Variants in RALGAPA1 observed in about 807,000 individuals in gnomAD.
RALGAPA1 encodes Ral GTPase activating protein catalytic subunit alpha 1, also known as ral GTPase-activating protein subunit alpha-1.
Under a neutral mutation model 269.6 loss-of-function variants are expected in RALGAPA1, and 52 were observed. The observed-to-expected ratio is 0.19, with a 90% CI of 0.15 to 0.24. RALGAPA1 has a LOEUF of 0.24. Among genes scored for constraint, RALGAPA1 ranks in the 10% least tolerant of loss-of-function variants. The pLI is 1.00. For missense variants in RALGAPA1, 1,917 were observed against 3,013.9 expected (o/e 0.64, Z 8.52); for synonymous variants, 817 against 1,008.3 (o/e 0.81, Z 3.60).
At chr14:35,769,065 T>TATATATATATATACAC (rs1237249622) in intron 4 of RALGAPA1, among the ~76,000 whole-genome samples, 1 of 77,796 alleles carries the variant, frequency 1.3e-5, no homozygotes, top group African/African-American at 4.6e-5. Context: ...TATATATATA[T>TATATATATATATACAC]ACACACACAT....
At chr14:35,794,684 C>T (rs2076432075) in intron 1 of RALGAPA1, among the ~76,000 whole-genome samples, 1 of 152,138 alleles carries the variant, frequency 6.6e-6, no homozygotes, top group African/African-American at 2.4e-5. Flanking sequence ...GTCTCATCTC[C>T]TGACCTCGTG....
intron 37 of RALGAPA1, among the ~76,000 whole-genome samples, chr14:35,574,000 T>C (rs1484001217): frequency 6.6e-6 from 1 of 152,206 alleles, no homozygotes; most frequent in Non-Finnish European, 1.5e-5. Context: ...TCATATGCTG[T>C]ACATGTTACA....
intron 17 of RALGAPA1, among the ~76,000 whole-genome samples, chr14:35,697,696 T>C (rs765710626): frequency 2.0e-5 from 3 of 151,954 alleles, no homozygotes; most frequent in Admixed American, 6.6e-5. Flanking sequence ...CTTTGGTATG[T>C]TGATTTGCAC....
At chr14:35,657,168 GT>G (rs2063226510) in intron 28 of RALGAPA1, among the ~76,000 whole-genome samples, 1 of 151,302 alleles carries the variant, frequency 6.6e-6, no homozygotes, top group Non-Finnish European at 1.5e-5. Flanking sequence ...GGGGTATTAA[GT>G]TTCTTTTTTC....
rs2055791767 is a variant in RALGAPA1 at position 35,557,953 on chromosome 14, G to A, written c.7497-8719C>T. Among the ~76,000 whole-genome samples the A allele has an allele frequency of 2.6e-5, 4 of 152,152 alleles. No homozygotes were observed. The South Asian group carries it at 6.2e-4, about 24-fold the overall frequency. ...ATCATCTATGGGGTCAGAATCCCTG[G>A]AGTCTGAAAATAAGCATTAATTTTT... On this transcript the variant is annotated intron_variant, in intron 39 of 41. Transcript: ENST00000680220.
chr14:35,742,510 T>C lies in RALGAPA1; in HGVS notation c.1307A>G (p.Tyr436Cys). 2.5e-6 allele frequency: 4 copies of C among 1,608,304 alleles called. No homozygotes were observed. Among genetic ancestry groups the C allele is most frequent in the Non-Finnish European group, 3.4e-6 (4 of 1,175,308 alleles). ...TTCCTCTTGTTGGATCCATTCTTGA[T>C]ATACTTTTACCACTTTTCTCATAGC... ...AAAMRKVVKV[Y>C]QEWIQQEEKP... The change falls in exon 11 of 42, where the codon TAT becomes TGT. Residue 436 changes from tyrosine (Y) to cysteine (C), a missense_variant. Tyr to Cys is a radical substitution (Grantham distance 194). Transcript: ENST00000680220.
chr14:35,659,056 C>T, intron 28 of RALGAPA1, 82 bp downstream of exon 28: 2 of 923,746 alleles, frequency 2.2e-6, no homozygotes, highest in South Asian at 3.8e-5. Context: ...CTAAAACAAT[C>T]TGGGCTGCTA....
At chr14:35,635,760 T>A (rs1232629200) in intron 31 of RALGAPA1, among the ~76,000 whole-genome samples, 162 bp from the exon 32 acceptor site, 1 of 152,246 alleles carries the variant, frequency 6.6e-6, no homozygotes, top group Admixed American at 6.5e-5. Flanking sequence ...TAAGATATTG[T>A]ATATGAACAT....
chr14:35,639,743 T>C (rs368873192), intron 31 of RALGAPA1, among the ~76,000 whole-genome samples: 1 of 151,886 alleles, frequency 6.6e-6, no homozygotes, highest in African/African-American at 2.4e-5. Flanking sequence ...ATTGAGACCA[T>C]CCTGGCTAAG....
intron 1 of RALGAPA1, among the ~76,000 whole-genome samples, chr14:35,788,783 T>C (rs2075969980): frequency 6.6e-6 from 1 of 152,252 alleles, no homozygotes. Context: ...TATTACATTA[T>C]GGACCTTAGT....
intron 6 of RALGAPA1, among the ~76,000 whole-genome samples, chr14:35,758,256 A>T (rs1301371398): frequency 2.0e-5 from 3 of 150,988 alleles, no homozygotes; most frequent in East Asian, 1.9e-4. Context: ...AAAAAAAAAA[A>T]AAAAAAAAAA....
intron 31 of RALGAPA1, among the ~76,000 whole-genome samples, chr14:35,641,133 AT>A (rs1194564613): frequency 2.0e-5 from 3 of 152,180 alleles, no homozygotes; most frequent in African/African-American, 7.2e-5. Context: ...CACAGGTAGT[AT>A]CATTCTGAAT....
At chr14:35,635,623 A>G (rs1343046180) in intron 31 of RALGAPA1, 25 bp from the exon 32 acceptor site, 1 of 1,512,248 alleles carries the variant, frequency 6.6e-7, no homozygotes, top group Non-Finnish European at 8.8e-7. Flanking sequence ...GAATCATTAT[A>G]ATTGTACATT....
At chr14:35,747,085 A>T (rs1046837055) in intron 10 of RALGAPA1, among the ~76,000 whole-genome samples, 5 of 151,998 alleles carry the variant, frequency 3.3e-5, no homozygotes, top group African/African-American at 9.7e-5. Flanking sequence ...GGCCCAAGGC[A>T]GGAGGATTGC....
At chr14:35,719,987 T>C (rs183808449) in intron 16 of RALGAPA1, among the ~76,000 whole-genome samples, 1 of 152,222 alleles carries the variant, frequency 6.6e-6, no homozygotes, top group Non-Finnish European at 1.5e-5. Context: ...CTCCTGACCT[T>C]GTGATCTGCC....
At chr14:35,799,817 A>G (rs1484141144) in intron 1 of RALGAPA1, among the ~76,000 whole-genome samples, 1 of 152,180 alleles carries the variant, frequency 6.6e-6, no homozygotes, top group Non-Finnish European at 1.5e-5. Context: ...TAGGTTAGAT[A>G]AAAAAGACCC....
chr14:35,662,937 TG>T (rs34890691), intron 27 of RALGAPA1, among the ~76,000 whole-genome samples: 19,456 of 76,346 alleles, frequency 0.25, 2,220 homozygotes, highest in East Asian at 0.53. Flanking sequence ...TTTCCTTTTT[TG>T]GGGGGGGGGT....
intron 1 of RALGAPA1, among the ~76,000 whole-genome samples, chr14:35,805,930 C>T (rs1207174386): frequency 6.6e-6 from 1 of 151,914 alleles, no homozygotes; most frequent in African/African-American, 2.4e-5. Context: ...CCTCGTGATC[C>T]GCCCACCTCG....
intron 39 of RALGAPA1, among the ~76,000 whole-genome samples, chr14:35,568,768 T>C (rs1333982124): frequency 1.3e-5 from 2 of 152,172 alleles, no homozygotes; most frequent in Admixed American, 1.3e-4. Context: ...ACAGACAATA[T>C]AGTCTTCAAA....
Sources: allele counts gnomAD v4.1 joint callset (sites outside exome capture counted in the v4.1 genomes callset), GRCh38; gene constraint gnomAD v4.1.1; transcripts MANE v1.5; gene names NCBI Gene and HGNC (gene_info 2026-07-23, HGNC 2026-07-21).